The following TMEM117 variants were observed in gnomAD, a reference collection of about 807,000 sequenced individuals.
TMEM117 encodes transmembrane protein 117.
TMEM117 carries 27 observed loss-of-function variants against 52.4 expected under a neutral mutation model. That is an observed-to-expected ratio of 0.51 (90% CI 0.38 to 0.71). The LOEUF (loss-of-function observed/expected upper bound fraction) is 0.71. Ranked by LOEUF, TMEM117 falls within the 30% of genes least tolerant of loss-of-function variation. TMEM117 has a pLI of 0.00. For missense variants in TMEM117, 556 were observed against 630.5 expected (o/e 0.88, Z 1.26); for synonymous variants, 215 against 206.3 (o/e 1.04, Z -0.36).
chr12:43,929,961 A>G (rs543799452), intron 2 of TMEM117, among the ~76,000 whole-genome samples: 1 of 152,280 alleles, frequency 6.6e-6, no homozygotes, highest in African/African-American at 2.4e-5. Context: ...CTAATTTAAA[A>G]AATTGAATAT....
At chr12:44,274,369 T>C (rs887610799) in intron 5 of TMEM117, among the ~76,000 whole-genome samples, 3 of 152,112 alleles carry the variant, frequency 2.0e-5, no homozygotes, top group Non-Finnish European at 4.4e-5. Context: ...TGTTTAAATG[T>C]CCATAGTACC....
chr12:44,199,995 G>A (rs1347811940), intron 4 of TMEM117, among the ~76,000 whole-genome samples: 7 of 152,116 alleles, frequency 4.6e-5, no homozygotes, highest in Non-Finnish European at 1.0e-4. Context: ...GCACACACCT[G>A]TAATCCCAGC....
the TMEM117 span, among the ~76,000 whole-genome samples, chr12:43,815,408 G>A: frequency 1.3e-5 from 2 of 152,178 alleles, no homozygotes; most frequent in South Asian, 4.1e-4. Context: ...ACCAACACCA[G>A]TTGTCTTAGT....
chr12:44,166,049 A>G (rs1341652273), intron 4 of TMEM117, among the ~76,000 whole-genome samples: 1 of 152,230 alleles, frequency 6.6e-6, no homozygotes, highest in Non-Finnish European at 1.5e-5. Flanking sequence ...ATGGAATAAA[A>G]CTGGAAATCA....
chr12:44,056,217 C>T (rs1947052395), intron 3 of TMEM117, among the ~76,000 whole-genome samples: 2 of 152,046 alleles, frequency 1.3e-5, no homozygotes, highest in South Asian at 4.2e-4. Context: ...TAGCTTAGAC[C>T]ATAGGCACAC....
rs985749694 is a variant in TMEM117, at chr12:43,874,373, G to A, written c.277+29445G>A. On this transcript the variant is annotated intron_variant, in intron 2 of 7. Coordinates refer to ENST00000266534, the MANE Select transcript of TMEM117 (RefSeq NM_032256.3). The stretch of plus-strand genomic sequence containing the variant: ...AGGTGGGTGGATCACTTGAGGTCAG[G>A]AGTTTGAGACCAGCCTGGTCAACAT... Among the ~76,000 whole-genome samples, 5 of 151,486 alleles carry A rather than the reference G, an allele frequency of 3.3e-5. No individual in the cohort carries two copies. In the East Asian group the frequency reaches 9.7e-4, roughly 29 times the overall value.
chr12:44,268,900 C>G (rs1330543335), intron 5 of TMEM117, among the ~76,000 whole-genome samples: 1 of 152,122 alleles, frequency 6.6e-6, no homozygotes, highest in Non-Finnish European at 1.5e-5. Context: ...TTCCCTCCTC[C>G]CTTAAGATAG....
chr12:44,000,425 C>G (rs909079540), intron 3 of TMEM117, among the ~76,000 whole-genome samples: 1 of 152,192 alleles, frequency 6.6e-6, no homozygotes, highest in African/African-American at 2.4e-5. Flanking sequence ...CTTCTCAGGA[C>G]TTGCTCCTCA....
At chr12:44,150,987 A>G (rs1461822707) in intron 4 of TMEM117, among the ~76,000 whole-genome samples, 1 of 152,162 alleles carries the variant, frequency 6.6e-6, no homozygotes, top group African/African-American at 2.4e-5. Flanking sequence ...ATAGTATGTG[A>G]TAGGTATATG....
At chr12:43,973,513 C>A (rs181044196) in intron 3 of TMEM117, among the ~76,000 whole-genome samples, 3 of 152,244 alleles carry the variant, frequency 2.0e-5, no homozygotes, top group African/African-American at 4.8e-5. Flanking sequence ...CAAAGAGTAA[C>A]CTCACAGGTG....
At chr12:44,259,501 G>C (rs1430030077) in intron 5 of TMEM117, among the ~76,000 whole-genome samples, 1 of 151,954 alleles carries the variant, frequency 6.6e-6, no homozygotes, top group Admixed American at 6.6e-5. Context: ...ATGAAGATAC[G>C]GACTTCTTTC....
intron 2 of TMEM117, among the ~76,000 whole-genome samples, chr12:43,913,184 A>G (rs1433586506): frequency 6.6e-6 from 1 of 152,148 alleles, no homozygotes; most frequent in African/African-American, 2.4e-5. Context: ...CTGGAAGCTC[A>G]TTCATGAACT....
At chr12:43,986,264 A>G (rs1373007496) in intron 3 of TMEM117, among the ~76,000 whole-genome samples, 1 of 152,178 alleles carries the variant, frequency 6.6e-6, no homozygotes, top group African/African-American at 2.4e-5. Context: ...GAAAATACAG[A>G]AAAATATAAA....
intron 2 of TMEM117, among the ~76,000 whole-genome samples, chr12:43,938,296 C>A (rs1187723672): frequency 6.7e-6 from 1 of 148,556 alleles, no homozygotes; most frequent in Admixed American, 6.7e-5. Context: ...TATATATTAG[C>A]TAATCCTAAG....
At chr12:44,133,355 T>C (rs1948443184) in intron 3 of TMEM117, among the ~76,000 whole-genome samples, 1 of 152,056 alleles carries the variant, frequency 6.6e-6, no homozygotes, top group African/African-American at 2.4e-5. Context: ...AAGAGGAAAA[T>C]AGCACTGTAA....
At chr12:44,222,429 C>T (rs886430055) in intron 5 of TMEM117, among the ~76,000 whole-genome samples, 24 of 152,166 alleles carry the variant, frequency 1.6e-4, no homozygotes, top group African/African-American at 5.5e-4. Flanking sequence ...ATGCCCTAGA[C>T]TGTGATAATC....
chr12:44,307,291 G>A (rs1376681091), intron 6 of TMEM117, among the ~76,000 whole-genome samples: 1 of 152,148 alleles, frequency 6.6e-6, no homozygotes, highest in African/African-American at 2.4e-5. Context: ...TATTCCAACT[G>A]ATTACATTTA....
intron 5 of TMEM117, among the ~76,000 whole-genome samples, chr12:44,274,558 A>C (rs1334935667): frequency 6.6e-6 from 1 of 152,182 alleles, no homozygotes; most frequent in Non-Finnish European, 1.5e-5. Context: ...AAATTAGGCT[A>C]TAGAGCTATA....
chr12:44,184,353 A>G (rs553264891), intron 4 of TMEM117, among the ~76,000 whole-genome samples: 2 of 152,278 alleles, frequency 1.3e-5, no homozygotes, highest in South Asian at 4.1e-4. Flanking sequence ...TCAAAAATAA[A>G]GTAAAATAAA....
Sources: allele counts gnomAD v4.1 joint callset (sites outside exome capture counted in the v4.1 genomes callset), GRCh38; gene constraint gnomAD v4.1.1; transcripts MANE v1.5; gene names NCBI Gene and HGNC (gene_info 2026-07-23, HGNC 2026-07-21).